PISD: variants seen among roughly 807,000 people sequenced by gnomAD.
PISD encodes phosphatidylserine decarboxylase, also known as phosphatidylserine decarboxylase proenzyme, mitochondrial.
PISD carries 31 observed loss-of-function variants against 43.5 expected under a neutral mutation model. That is an observed-to-expected ratio of 0.71 (90% confidence interval 0.54 to 0.96). The LOEUF (loss-of-function observed/expected upper bound fraction) is 0.96. PISD is among the 40% of genes least tolerant of loss of function. PISD has a pLI of 0.00. For synonymous variants in PISD, 259 were observed against 228.7 expected, an observed-to-expected ratio of 1.13 and a Z score of -1.20; for missense variants, 523 against 548.4, an observed-to-expected ratio of 0.95 and a Z score of 0.46.
Position 31,620,565 on chromosome 22 carries a change from G to C in PISD, c.993C>G (p.Ile331Met), listed in dbSNP as rs2072497770. ...AGATCCTGCTTACCCGGTCAAAGTAGATGCGAATGGAGCCCACGTTGGTGG... is the reference window on the plus strand; with the variant it reads ...AGATCCTGCTTACCCGGTCAAAGTACATGCGAATGGAGCCCACGTTGGTGG... The part of the protein sequence containing the change: ...VGATNVGSIR[I>M]YFDRDLHTNS... The change falls in exon 7 of 8, where the codon ATC (isoleucine) becomes ATG (methionine). Residue 331 changes from isoleucine to methionine, a missense_variant. Ile to Met is a conservative substitution (Grantham distance 10). Coordinates refer to ENST00000439502, the MANE Select transcript of PISD (RefSeq NM_001326411.2). 6.2e-7 allele frequency: 1 copy of C among 1,614,094 alleles called. No individual in the cohort carries two copies. Among genetic ancestry groups the C allele is most frequent in the Non-Finnish European group, 8.5e-7 (1 of 1,180,040 alleles).
chr22:31,637,162 A>ATATAGATAT (rs1261194181), intron 3 of PISD, among the ~76,000 whole-genome samples: 1 of 15,474 alleles, frequency 6.5e-5, no homozygotes, highest in African/African-American at 3.7e-4. Flanking sequence ...AAAAAAAAAA[A>ATATAGATAT]AAATATATAT....
At chr22:31,640,973 C>T (rs1308035455) in intron 3 of PISD, among the ~76,000 whole-genome samples, 2 of 139,382 alleles carry the variant, frequency 1.4e-5, no homozygotes, top group African/African-American at 5.4e-5. Flanking sequence ...CTGCAACCTC[C>T]ACCTCCTGGG....
In PISD at chr22:31,660,319, A is replaced by T. The variant is rs536317512; in HGVS notation, c.65+1825T>A. Among the ~76,000 whole-genome samples, 36 of 152,200 alleles carry T rather than the reference A, an allele frequency of 2.4e-4. No homozygotes were observed. The South Asian group carries it at 6.0e-3, about 25-fold the overall frequency. ...CATAGCTTTTTTTCTTTCCCTTTTAATGATGGTGACTGAGGTACAGCCTCC... is the reference window on the plus strand; with the variant it reads ...CATAGCTTTTTTTCTTTCCCTTTTATTGATGGTGACTGAGGTACAGCCTCC... On this transcript the variant is annotated intron_variant, in intron 1 of 7. Transcript: ENST00000439502.
At chr22:31,625,613 G>GC (rs1006862212) in intron 3 of PISD, 20 of 946,246 alleles carry the variant, frequency 2.1e-5, no homozygotes, top group African/African-American at 1.6e-4. Context: ...GGGTGCTCAG[G>GC]CCCCCCAGGC....
intron 1 of PISD, among the ~76,000 whole-genome samples, chr22:31,651,744 G>A (rs545387429): frequency 4.6e-5 from 7 of 151,736 alleles, no homozygotes; most frequent in South Asian, 2.1e-4. Flanking sequence ...GCAAAACTCC[G>A]TCTCAAAAAA....
Position 31,621,029 on chromosome 22 carries a change from C to T in PISD, c.811G>A (p.Asp271Asn), listed in dbSNP as rs551115207. The part of the protein sequence containing the change: ...GDYHCFHSPT[D>N]WTVSHRRHFP... ...TGGCGCCGGTGGGACACAGTCCAGT[C>T]GGTGGGGGAGTGGAAGCAGTGGTAG... Residue 271 changes from aspartate (D) to asparagine (N), a missense_variant, in exon 6 of 8, where the codon GAC becomes AAC. Asp to Asn is a conservative substitution (Grantham distance 23). Transcript: ENST00000439502. 3.1e-5 allele frequency: 50 copies of T among 1,613,822 alleles called. No individual in the cohort carries two copies. The highest frequency in any genetic ancestry group is 2.8e-4 in the African/African-American group (21 of 75,054).
intron 3 of PISD, among the ~76,000 whole-genome samples, chr22:31,644,475 G>A (rs559384505): frequency 2.6e-5 from 4 of 152,066 alleles, no homozygotes; most frequent in South Asian, 2.1e-4. Flanking sequence ...TCCTGACCTC[G>A]TGATCCGCCC....
Position 31,618,838 on chromosome 22 carries a change from C to T in PISD, c.*774G>A, listed in dbSNP as rs1258951917. 6.2e-6 allele frequency: 1 copy of T among 161,782 alleles called. No homozygotes were observed. Among genetic ancestry groups the T allele is most frequent in the Non-Finnish European group, 1.3e-5 (1 of 74,122 alleles). The allele number at this position is 161,782 out of a possible 1,614,324, so 10.0% of individuals were successfully genotyped here. On this transcript the variant is annotated 3_prime_UTR_variant, in exon 8 of 8. Coordinates refer to ENST00000439502, the MANE Select transcript of PISD (RefSeq NM_001326411.2). ...AGGGATATGTGGAGGGGGACAGGAACTCTCCCATTTCCCCAGCTGGGCCTA... is the reference window on the plus strand; with the variant it reads ...AGGGATATGTGGAGGGGGACAGGAATTCTCCCATTTCCCCAGCTGGGCCTA...
At chr22:31,661,191 G>C (rs1014276252) in intron 1 of PISD, among the ~76,000 whole-genome samples, 1 of 152,218 alleles carries the variant, frequency 6.6e-6, no homozygotes, top group Non-Finnish European at 1.5e-5. Context: ...AATGATGAAA[G>C]AGTGACGCTT....
In PISD at chr22:31,656,271, G is replaced by T. The variant is rs536776564; in HGVS notation, c.66-5493C>A. On this transcript the variant is annotated intron_variant, in intron 1 of 7. Transcript: ENST00000439502. ...AGGCAGGAGAATTGCTTGAACCCAG[G>T]AGGTGGAGGTTGCAATGAGCCAAGA... Among the ~76,000 whole-genome samples the T allele has an allele frequency of 2.3e-3, 348 of 152,176 alleles. 2 individuals are homozygous for T. Among genetic ancestry groups the T allele is most frequent in the African/African-American group, 7.9e-3 (329 of 41,510 alleles).
chr22:31,623,884 T>C (rs1225750071), intron 3 of PISD: 3 of 1,596,882 alleles, frequency 1.9e-6, no homozygotes, highest in East Asian at 4.5e-5. Flanking sequence ...GCCAGGTCAG[T>C]GGCCAGGCTC....
At chr22:31,655,103 C>T (rs10154390) in intron 1 of PISD, among the ~76,000 whole-genome samples, 44,165 of 141,394 alleles carry the variant, frequency 0.31, 8,182 homozygotes, top group African/African-American at 0.52. Context: ...AAAAAAAAGA[C>T]GGCAGGAGAC....
At chr22:31,631,690 A>G (rs540849193) in intron 3 of PISD, among the ~76,000 whole-genome samples, 5 of 152,208 alleles carry the variant, frequency 3.3e-5, no homozygotes, top group Non-Finnish European at 5.9e-5. Flanking sequence ...ATGGGATCAG[A>G]CCAATCAGCT....
intron 4 of PISD, 84 bp downstream of exon 4, chr22:31,621,565 C>G: frequency 3.8e-6 from 6 of 1,599,040 alleles, no homozygotes; most frequent in Non-Finnish European, 4.3e-6. Context: ...CTGCCCCTTC[C>G]AGATACGCTG....
chr22:31,631,998 G>A (rs1162416895), intron 3 of PISD, among the ~76,000 whole-genome samples: 2 of 152,158 alleles, frequency 1.3e-5, no homozygotes, highest in African/African-American at 2.4e-5. Context: ...CTTAAGCTCA[G>A]GAGTTTGAGA....
At chr22:31,658,738 G>A (rs1390899841) in intron 1 of PISD, among the ~76,000 whole-genome samples, 1 of 152,030 alleles carries the variant, frequency 6.6e-6, no homozygotes, top group African/African-American at 2.4e-5. Flanking sequence ...TCACTATGTT[G>A]CTCAGGTTGG....
chr22:31,621,952 T>A, intron 3 of PISD, 67 bp from the exon 4 acceptor site: 1 of 1,193,088 alleles, frequency 8.4e-7, no homozygotes, highest in Non-Finnish European at 1.2e-6. Flanking sequence ...CCAAGTAGTG[T>A]CATTAGCCCA....
At chr22:31,635,951 T>C (rs2073417227) in intron 3 of PISD, among the ~76,000 whole-genome samples, 1 of 152,232 alleles carries the variant, frequency 6.6e-6, no homozygotes, top group Non-Finnish European at 1.5e-5. Flanking sequence ...CCTGCCAGCA[T>C]GGGGCCAGGT....
chr22:31,628,927 G>A (rs757966460), intron 3 of PISD: 28 of 985,236 alleles, frequency 2.8e-5, no homozygotes, highest in African/African-American at 5.2e-5. Context: ...GAAATAAGAG[G>A]GGCTTAGGTG....
Sources: gnomAD v4.1 joint callset for allele counts (sites outside exome capture counted in the v4.1 genomes callset) on GRCh38, gnomAD v4.1.1 for gene constraint, MANE v1.5 for transcripts, NCBI Gene and HGNC (gene_info 2026-07-23, HGNC 2026-07-21) for gene names.